Variants in GASK1B observed in about 807,000 individuals in gnomAD.
The protein encoded by GASK1B is golgi associated kinase 1B.
A neutral mutation model predicts 42.8 loss-of-function variants in GASK1B; 34 were observed. The observed-to-expected ratio is 0.79, with a 90% CI of 0.60 to 1.06. The LOEUF is 1.06. Among genes scored for constraint, GASK1B ranks in the 50% least tolerant of loss-of-function variants. The pLI is 0.00. For synonymous variants in GASK1B, 262 were observed against 259.1 expected (o/e 1.01, Z -0.11); for missense variants, 686 against 661.0 (o/e 1.04, Z -0.42).
At position 158,127,570 on chromosome 4, in the gene GASK1B, CG is replaced by C; in HGVS notation, c.1396del (p.Arg466GlyfsTer30). 6.2e-7 allele frequency: 1 copy of C among 1,613,504 alleles called. No homozygotes were observed. The highest frequency in any genetic ancestry group is 8.5e-7 in the Non-Finnish European group (1 of 1,179,736). ...AVSVLKSQHL[R>X]QKLLQSLFLD... ...AAACAGAGACTGAAGAAGTTTCTGCCGTAAGTGCTGGCTCTTCAAAACAGAA... is the reference window on the plus strand; with the variant it reads ...AAACAGAGACTGAAGAAGTTTCTGCCTAAGTGCTGGCTCTTCAAAACAGAA... On this transcript the variant is annotated frameshift_variant, in exon 5 of 5. Coordinates refer to ENST00000585682, the MANE Select transcript of GASK1B (RefSeq NM_001128424.2). LOFTEE classifies it high-confidence loss of function.
chr4:158,153,184 T>C (rs999970953), intron 3 of GASK1B, among the ~76,000 whole-genome samples: 2 of 152,160 alleles, frequency 1.3e-5, no homozygotes, highest in Non-Finnish European at 2.9e-5. Flanking sequence ...CACAAATCAG[T>C]AGCTCTGCTA....
intron 3 of GASK1B, among the ~76,000 whole-genome samples, chr4:158,151,205 T>G (rs536453523): frequency 6.6e-6 from 1 of 152,342 alleles, no homozygotes; most frequent in South Asian, 2.1e-4. Context: ...TAAGAAAGCC[T>G]TATAAAATGT....
chr4:158,126,631 T>C lies in GASK1B; in HGVS notation c.*776A>G, dbSNP rs959775827. 9 of 152,112 alleles carry C rather than the reference T, an allele frequency of 5.9e-5. No homozygotes were observed. The highest frequency in any genetic ancestry group is 2.2e-4 in the African/African-American group (9 of 41,448). The allele number at this position is 152,112 out of a possible 1,614,324, so 9.4% of individuals were successfully genotyped here. The stretch of plus-strand genomic sequence containing the variant: ...GATACTCTGTAAGTACATTTTCAGA[T>C]AGGTAACTTCATACTTTAGAATTAT... On this transcript the variant is annotated 3_prime_UTR_variant, in exon 5 of 5. Transcript: ENST00000585682.
chr4:158,136,424 C>T (rs989147053), intron 3 of GASK1B, among the ~76,000 whole-genome samples: 3 of 151,892 alleles, frequency 2.0e-5, no homozygotes, highest in Non-Finnish European at 4.4e-5. Flanking sequence ...TTTTTATTTT[C>T]TCATGCAGAG....
intron 4 of GASK1B, among the ~76,000 whole-genome samples, chr4:158,128,005 G>A (rs962367641): frequency 1.3e-5 from 2 of 152,096 alleles, no homozygotes; most frequent in Non-Finnish European, 2.9e-5. Context: ...GTCAAGGTGG[G>A]ATTTTATGCA....
chr4:158,150,001 T>G (rs758296117), intron 3 of GASK1B, among the ~76,000 whole-genome samples: 54 of 142,260 alleles, frequency 3.8e-4, no homozygotes, highest in African/African-American at 1.0e-3. Flanking sequence ...CTCGGCTCAC[T>G]GCAAGCTCCG....
rs1303089940 is a variant in GASK1B at position 158,124,539 on chromosome 4, G to A, written c.*2868C>T. 1.3e-5 allele frequency: 2 copies of A among 152,130 alleles called. No homozygotes were observed. Among genetic ancestry groups the A allele is most frequent in the Non-Finnish European group, 2.9e-5 (2 of 68,010 alleles). 9.4% of individuals were successfully genotyped at this position (152,130 alleles called of 1,614,324 possible). ...AGATGAATGCTCTAAATGTGTGCTT[G>A]TTCTGTGCTGACATAAACATAAGAA... is the stretch of plus-strand genomic sequence containing the variant. On this transcript the variant is annotated 3_prime_UTR_variant, in exon 5 of 5. Coordinates refer to ENST00000585682, the MANE Select transcript of GASK1B (RefSeq NM_001128424.2).
rs569471998 is a variant in GASK1B, at chr4:158,125,618, G to A, written c.*1789C>T. 6 of 152,194 alleles carry A rather than the reference G, an allele frequency of 3.9e-5. No homozygotes were observed. The highest frequency in any genetic ancestry group is 1.4e-4 in the African/African-American group (6 of 41,554). The allele number at this position is 152,194 out of a possible 1,614,324, so 9.4% of individuals were successfully genotyped here. A position where few individuals can be genotyped will look rare whatever the true frequency, so the allele number is the denominator to read the frequency against. ...AAAATCCCAGAGACAGTGAGTAAAAGTGGAGACTCAAAAGAGCCAAGGAGT... is the reference window on the plus strand; with the variant it reads ...AAAATCCCAGAGACAGTGAGTAAAAATGGAGACTCAAAAGAGCCAAGGAGT... On this transcript the variant is annotated 3_prime_UTR_variant, in exon 5 of 5. Coordinates refer to ENST00000585682, the MANE Select transcript of GASK1B (RefSeq NM_001128424.2).
chr4:158,165,896 T>G (rs934279427), intron 2 of GASK1B, among the ~76,000 whole-genome samples: 17 of 152,204 alleles, frequency 1.1e-4, no homozygotes, highest in African/African-American at 4.1e-4. Context: ...TAGGTATGTA[T>G]AATAGACAAC....
chr4:158,172,436 T>C (rs1296271659), intron 1 of GASK1B: 1 of 152,232 alleles, frequency 6.6e-6, no homozygotes, highest in African/African-American at 2.4e-5. Context: ...ACATATTTCA[T>C]GGTCAAGAGT....
At chr4:158,150,302 A>G (rs1731509604) in intron 3 of GASK1B, among the ~76,000 whole-genome samples, 1 of 152,118 alleles carries the variant, frequency 6.6e-6, no homozygotes, top group Non-Finnish European at 1.5e-5. Flanking sequence ...GTTTCCTGAC[A>G]AAGATAATAA....
intron 3 of GASK1B, among the ~76,000 whole-genome samples, chr4:158,140,540 A>G (rs1731073958): frequency 1.3e-5 from 2 of 152,180 alleles, no homozygotes; most frequent in Non-Finnish European, 2.9e-5. Flanking sequence ...CTATGAAAAC[A>G]CTATCACGTT....
At chr4:158,132,747 A>G (rs1180754467) in intron 3 of GASK1B, among the ~76,000 whole-genome samples, 3 of 152,156 alleles carry the variant, frequency 2.0e-5, no homozygotes, top group Non-Finnish European at 4.4e-5. Context: ...CAAAGGGTAC[A>G]CTGCTGGCCT....
Position 158,126,898 on chromosome 4 carries a change from C to G in GASK1B, c.*509G>C, listed in dbSNP as rs757096167. 6.6e-6 allele frequency: 1 copy of G among 152,442 alleles called. No individual in the cohort carries two copies. The highest frequency in any genetic ancestry group is 2.4e-5 in the African/African-American group (1 of 41,460). 9.4% of individuals were successfully genotyped at this position (152,442 alleles called of 1,614,324 possible). A position where few individuals can be genotyped will look rare whatever the true frequency, so the allele number is the denominator to read the frequency against. On this transcript the variant is annotated 3_prime_UTR_variant, in exon 5 of 5. Transcript: ENST00000585682. ...TAAATGTATGGTCAGCTCTGATGCT[C>G]TTGCAGGCTGTAAGCCTCAGTGTTC... is the stretch of plus-strand genomic sequence containing the variant.
At chr4:158,158,968 T>C (rs558757891) in intron 2 of GASK1B, among the ~76,000 whole-genome samples, 3 of 152,250 alleles carry the variant, frequency 2.0e-5, no homozygotes, top group Non-Finnish European at 4.4e-5. Context: ...GTATGCTGTA[T>C]GTCAGTCACC....
intron 3 of GASK1B, among the ~76,000 whole-genome samples, chr4:158,145,414 T>C (rs1043432090): frequency 3.9e-5 from 6 of 152,196 alleles, no homozygotes; most frequent in African/African-American, 1.4e-4. Flanking sequence ...TTTATGAATA[T>C]AAGTTTATTG....
chr4:158,145,959 G>A (rs1378326065), intron 3 of GASK1B, among the ~76,000 whole-genome samples: 1 of 152,152 alleles, frequency 6.6e-6, no homozygotes, highest in Admixed American at 6.5e-5. Flanking sequence ...GTAAGTATAT[G>A]AAGAAGCCAT....
intron 3 of GASK1B, among the ~76,000 whole-genome samples, chr4:158,145,363 G>A (rs1731291343): frequency 6.6e-6 from 1 of 152,066 alleles, no homozygotes; most frequent in African/African-American, 2.4e-5. Flanking sequence ...ACAAATCTAG[G>A]AGGCAAGGCA....
Position 158,155,815 on chromosome 4 carries a change from TG to T in GASK1B, c.920del (p.Pro307HisfsTer33), listed in dbSNP as rs1414504946. On this transcript the variant is annotated frameshift_variant, in exon 3 of 5. Coordinates refer to ENST00000585682, the MANE Select transcript of GASK1B (RefSeq NM_001128424.2). LOFTEE classifies it high-confidence loss of function. ...ATGCATCCCAAAGAATGATGGGGCA[TG>T]GGCGGCCATCTATAGAATCAGAAAA... The part of the protein sequence containing the change: ...RKAEFIQDGR[P>X]CPIILWDASL... 6.2e-7 allele frequency: 1 copy of T among 1,613,606 alleles called. No homozygotes were observed. Among genetic ancestry groups the T allele is most frequent in the African/African-American group, 1.3e-5 (1 of 75,022 alleles).
Sources: allele counts gnomAD v4.1 joint callset (sites outside exome capture counted in the v4.1 genomes callset), GRCh38; gene constraint gnomAD v4.1.1; transcripts MANE v1.5; gene names NCBI Gene and HGNC (gene_info 2026-07-23, HGNC 2026-07-21).